The following CTNND2 variants were observed in gnomAD, a reference collection of about 807,000 sequenced individuals.
CTNND2 encodes the protein catenin delta-2.
Under a neutral mutation model 144.4 loss-of-function variants are expected in CTNND2, and 22 were observed. That is an observed-to-expected ratio of 0.15 (90% confidence interval 0.11 to 0.22). The LOEUF is 0.22. CTNND2 is among the 10% of genes least tolerant of loss of function. The pLI is 1.00. For synonymous variants in CTNND2, 751 were observed against 695.6 expected (o/e 1.08, Z -1.25); for missense variants, 1,353 against 1,618.8 (o/e 0.84, Z 2.82).
chr5:11,589,118 T>C, intron 2 of CTNND2: 1 of 778,210 alleles, frequency 1.3e-6, no homozygotes, highest in Non-Finnish European at 1.6e-6. Context: ...CACAAAGGTC[T>C]CCATGGCAAC....
At chr5:11,895,575 C>T (rs571071630) in intron 1 of CTNND2, among the ~76,000 whole-genome samples, 2 of 152,234 alleles carry the variant, frequency 1.3e-5, no homozygotes, top group African/African-American at 4.8e-5. Context: ...TACTGGGACA[C>T]ACGAAATCAG....
chr5:11,430,843 T>A (rs554015347), intron 3 of CTNND2, among the ~76,000 whole-genome samples: 1 of 152,344 alleles, frequency 6.6e-6, no homozygotes, highest in Admixed American at 6.5e-5. Flanking sequence ...TTAGTTTATC[T>A]GGATAATCTG....
rs184096826 is a variant in CTNND2, at chr5:11,160,543, A to G, written c.1976-784T>C. The stretch of plus-strand genomic sequence containing the variant: ...GTCATAAACATTGCATATATATTAT[A>G]ACATCATTTGAAAATGCTTTTAAAT... On this transcript the variant is annotated intron_variant, in intron 11 of 21. Transcript: ENST00000304623. 3.1e-3 allele frequency among the ~76,000 whole-genome samples: 475 copies of G among 152,348 alleles called. 3 individuals are homozygous for G. The highest frequency in any genetic ancestry group is 0.01 in the Middle Eastern group (3 of 294).
chr5:11,071,607 T>C (rs1432510444), intron 16 of CTNND2, among the ~76,000 whole-genome samples: 1 of 150,544 alleles, frequency 6.6e-6, no homozygotes, highest in Non-Finnish European at 1.5e-5. Flanking sequence ...GTTCACTTTG[T>C]GTCATTCACA....
At chr5:11,231,555 T>C (rs1741025623) in intron 10 of CTNND2, among the ~76,000 whole-genome samples, 3 of 152,170 alleles carry the variant, frequency 2.0e-5, no homozygotes. Flanking sequence ...TTGCTCCTGC[T>C]CTAGAGATCT....
intron 3 of CTNND2, among the ~76,000 whole-genome samples, chr5:11,498,814 T>C (rs1315327111): frequency 6.6e-6 from 1 of 152,204 alleles, no homozygotes; most frequent in Non-Finnish European, 1.5e-5. Flanking sequence ...GTTTTCTACA[T>C]AGACTCTGGG....
chr5:11,543,407 G>C (rs938975157), intron 3 of CTNND2, among the ~76,000 whole-genome samples: 15 of 152,162 alleles, frequency 9.9e-5, no homozygotes, highest in African/African-American at 3.4e-4. Flanking sequence ...CAGATAAAAA[G>C]CAGTCTGATG....
chr5:11,380,128 T>G lies in CTNND2; in HGVS notation c.1177+4537A>C, dbSNP rs539916881. On this transcript the variant is annotated intron_variant, in intron 7 of 21. Transcript: ENST00000304623. ...AAGATGCTCCGCTAGGATGCTCCCA[T>G]AGTAACTAGCTTCTGTCTGACTCTG... Among the ~76,000 whole-genome samples, 63 of 152,310 alleles carry G rather than the reference T, an allele frequency of 4.1e-4. No individual in the cohort carries two copies. The South Asian group carries it at 0.013, about 31-fold the overall frequency.
intron 12 of CTNND2, among the ~76,000 whole-genome samples, chr5:11,149,877 C>T (rs980528676): frequency 1.2e-4 from 19 of 152,168 alleles, no homozygotes; most frequent in African/African-American, 4.6e-4. Context: ...GCTGTCTTCC[C>T]TTTAGCTTTT....
At chr5:11,641,726 G>A (rs1394738180) in intron 2 of CTNND2, among the ~76,000 whole-genome samples, 5 of 51,060 alleles carry the variant, frequency 9.8e-5, no homozygotes, top group African/African-American at 2.0e-4. Flanking sequence ...ATACATATAC[G>A]TGTGTGTATA....
At chr5:11,829,639 T>C (rs966396386) in intron 1 of CTNND2, among the ~76,000 whole-genome samples, 4 of 152,204 alleles carry the variant, frequency 2.6e-5, no homozygotes, top group African/African-American at 9.6e-5. Context: ...TGCCTGGATG[T>C]CCAGGCAGTA....
chr5:11,634,545 C>T (rs774293283), intron 2 of CTNND2, among the ~76,000 whole-genome samples: 7 of 152,094 alleles, frequency 4.6e-5, no homozygotes, highest in Non-Finnish European at 8.8e-5. Context: ...ATTTAAAAAC[C>T]GGGGTTCTCA....
intron 9 of CTNND2, among the ~76,000 whole-genome samples, chr5:11,257,573 T>A (rs1344479231): frequency 2.0e-5 from 3 of 152,156 alleles, no homozygotes; most frequent in Admixed American, 6.5e-5. Flanking sequence ...TCAGATCTCC[T>A]GAGAACTCAC....
chr5:11,062,794 T>C lies in CTNND2; in HGVS notation c.2788+19902A>G, dbSNP rs932037121. The stretch of plus-strand genomic sequence containing the variant: ...CCTCCTTATGCACTCTGAACAAAAC[T>C]GATCTGCCTGAAAAACGTGCTTGCA... On this transcript the variant is annotated intron_variant, in intron 16 of 21. Coordinates refer to ENST00000304623, the MANE Select transcript of CTNND2 (RefSeq NM_001332.4). Among the ~76,000 whole-genome samples the C allele has an allele frequency of 2.0e-5, 3 of 152,344 alleles. 1 individual carries two copies. The highest frequency in any genetic ancestry group is 6.8e-3 in the Middle Eastern group (2 of 294).
At chr5:11,374,605 G>T (rs982877945) in intron 7 of CTNND2, among the ~76,000 whole-genome samples, 2 of 152,070 alleles carry the variant, frequency 1.3e-5, no homozygotes, top group Admixed American at 6.5e-5. Context: ...TTATCAAGGA[G>T]GGGGATAAAA....
intron 11 of CTNND2, among the ~76,000 whole-genome samples, chr5:11,178,923 T>C (rs1248345992): frequency 6.6e-6 from 1 of 152,214 alleles, no homozygotes; most frequent in African/African-American, 2.4e-5. Flanking sequence ...TACAATAGCT[T>C]ATAGCTAGAA....
chr5:11,104,115 C>T (rs527852287), intron 14 of CTNND2, among the ~76,000 whole-genome samples: 244 of 152,332 alleles, frequency 1.6e-3, no homozygotes, highest in African/African-American at 5.5e-3. Flanking sequence ...GCTTCACCAG[C>T]GGAATGCACC....
intron 1 of CTNND2, among the ~76,000 whole-genome samples, chr5:11,871,135 G>A (rs1012457330): frequency 2.6e-5 from 4 of 152,176 alleles, no homozygotes; most frequent in African/African-American, 9.7e-5. Context: ...GCTAACCCCT[G>A]CTCAGAAGGG....
chr5:11,331,505 C>T (rs984879342), intron 9 of CTNND2, among the ~76,000 whole-genome samples: 6 of 152,134 alleles, frequency 3.9e-5, no homozygotes, highest in Non-Finnish European at 7.4e-5. Flanking sequence ...AGGTCGCTTT[C>T]ATTTAAATGT....
Sources: gnomAD v4.1 joint callset for allele counts (sites outside exome capture counted in the v4.1 genomes callset) on GRCh38, gnomAD v4.1.1 for gene constraint, MANE v1.5 for transcripts, NCBI Gene and HGNC (gene_info 2026-07-23, HGNC 2026-07-21) for gene names.